Variants in PXK observed in about 807,000 individuals in gnomAD.
The protein encoded by PXK is PX domain-containing protein kinase-like protein.
A neutral mutation model predicts 84.7 loss-of-function variants in PXK; 35 were observed. That is an observed-to-expected ratio of 0.41 (90% confidence interval 0.32 to 0.55). The LOEUF (loss-of-function observed/expected upper bound fraction) is 0.55, where lower values mean the gene tolerates loss of function less well. Ranked by LOEUF, PXK falls within the 20% of genes least tolerant of loss-of-function variation. PXK has a pLI of 0.21. For synonymous variants in PXK, 253 were observed against 260.8 expected (o/e 0.97, Z 0.29); for missense variants, 634 against 699.7 (o/e 0.91, Z 1.06).
chr3:58,370,695 G>C lies in PXK; in HGVS notation c.201+1217G>C, dbSNP rs576047966. ...TCAGAAGGCCACGTTTTGTTGGTCA[G>C]ACTTCAGAAAATAAGCATTTGGGCC... On this transcript the variant is annotated intron_variant, in intron 3 of 17. Transcript: ENST00000356151. This position sits in a 1 kb window ranked among gnomAD's most constrained non-coding sequence, Gnocchi z 4.2. 1.0e-3 allele frequency among the ~76,000 whole-genome samples: 157 copies of C among 152,206 alleles called. No individual in the cohort carries two copies. The highest frequency in any genetic ancestry group is 3.4e-3 in the African/African-American group (141 of 41,548).
At chr3:58,343,941 C>A (rs2097776174) in intron 1 of PXK, among the ~76,000 whole-genome samples, 1 of 152,178 alleles carries the variant, frequency 6.6e-6, no homozygotes, top group Non-Finnish European at 1.5e-5. Flanking sequence ...GTATATCTGC[C>A]TCAAAGGTAC....
intron 1 of PXK, among the ~76,000 whole-genome samples, chr3:58,335,516 G>C (rs1399888096): frequency 6.6e-6 from 1 of 151,840 alleles, no homozygotes; most frequent in East Asian, 1.9e-4. Context: ...TGTTAAGAGG[G>C]GTATGTAGAA....
intron 3 of PXK, among the ~76,000 whole-genome samples, chr3:58,376,769 A>T (rs2108657401): frequency 1.3e-5 from 2 of 152,018 alleles, no homozygotes; most frequent in African/African-American, 4.8e-5. Context: ...CCTCCTGAGG[A>T]GCTGAAATTA....
chr3:58,391,315 T>A (rs970402098), intron 6 of PXK, 95 bp downstream of exon 6: 75 of 1,086,304 alleles, frequency 6.9e-5, no homozygotes, highest in South Asian at 3.0e-4. Context: ...TACTGTGCTC[T>A]TAAGTGATGA....
At chr3:58,339,959 C>T (rs1280428370) in intron 1 of PXK, among the ~76,000 whole-genome samples, 6 of 151,640 alleles carry the variant, frequency 4.0e-5, no homozygotes, top group East Asian at 3.9e-4. Flanking sequence ...GGATTACAGG[C>T]GACTGCCACC....
intron 1 of PXK, among the ~76,000 whole-genome samples, chr3:58,342,191 C>A (rs1305655247): frequency 6.6e-6 from 1 of 152,110 alleles, no homozygotes; most frequent in African/African-American, 2.4e-5. Flanking sequence ...AGCACAAGTT[C>A]TTTAGCTCTT....
rs563250578 is a variant in PXK, at chr3:58,341,527, A to G, written c.102+8437A>G. Among the ~76,000 whole-genome samples the G allele has an allele frequency of 2.0e-5, 3 of 152,090 alleles. No individual in the cohort carries two copies. The South Asian group carries it at 6.2e-4, about 32-fold the overall frequency. On this transcript the variant is annotated intron_variant, in intron 1 of 17. Transcript: ENST00000356151. ...CAGTGAGCCAAGATCATGCCACTGC[A>G]CTGCATCCTGGATGACAGAGTGAGA...
At chr3:58,336,344 G>T (rs1461103766) in intron 1 of PXK, among the ~76,000 whole-genome samples, 18 of 152,104 alleles carry the variant, frequency 1.2e-4, no homozygotes. Flanking sequence ...ATTTGGATGA[G>T]CAACTGGCAG....
intron 1 of PXK, among the ~76,000 whole-genome samples, chr3:58,359,141 A>T: frequency 6.6e-6 from 1 of 152,156 alleles, no homozygotes; most frequent in Non-Finnish European, 1.5e-5. Context: ...ACTCAAAGCT[A>T]TGTAGTTTAT....
intron 3 of PXK, among the ~76,000 whole-genome samples, chr3:58,375,180 A>T (rs1435796819): frequency 6.6e-6 from 1 of 152,232 alleles, no homozygotes; most frequent in South Asian, 2.1e-4. Flanking sequence ...TTTGAATCCA[A>T]TGATGTCAGA....
chr3:58,422,187 T>A (rs2061991826), intron 17 of PXK: 1 of 985,210 alleles, frequency 1.0e-6, no homozygotes, highest in Non-Finnish European at 1.2e-6. Context: ...CCAAAAACAA[T>A]CAATGGGGCA....
At position 58,391,203 on chromosome 3, in the gene PXK, C is replaced by T. The variant is rs773891264; in HGVS notation, c.523C>T (p.Arg175Trp). ...LMKIKNQPKE[R>W]LVLSWADLGP... ...GAAGATTAAAAATCAGCCAAAGGAACGGCTAGTGTTAAGCTGGGTAAGCTA... is the reference window on the plus strand; with the variant it reads ...GAAGATTAAAAATCAGCCAAAGGAATGGCTAGTGTTAAGCTGGGTAAGCTA... The change falls in exon 6 of 18, where the codon CGG becomes TGG. Residue 175 changes from arginine (R) to tryptophan (W), a missense_variant. Around this residue, in one of 3 missense-constraint regions of PXK, gnomAD observed 353 missense variants for 385.2 expected, o/e 0.92. Coordinates refer to ENST00000356151, the MANE Select transcript of PXK (RefSeq NM_017771.5). 27 of 1,613,372 alleles carry T rather than the reference C, an allele frequency of 1.7e-5. No homozygotes were observed. The highest frequency in any genetic ancestry group is 3.3e-5 in the Admixed American group (2 of 59,994).
chr3:58,412,544 AC>A lies in PXK; in HGVS notation c.1466-355del, dbSNP rs2060357412. Among the ~76,000 whole-genome samples the A allele has an allele frequency of 1.3e-5, 2 of 152,104 alleles. No homozygotes were observed. The highest frequency in any genetic ancestry group is 4.1e-4 in the South Asian group (2 of 4,826). ...TGCTCTGCACCTCTCTGTCTGCTGTACCACTTGTGGCTTCTGTCATTTGTCA... is the reference window on the plus strand; with the variant it reads ...TGCTCTGCACCTCTCTGTCTGCTGTACACTTGTGGCTTCTGTCATTTGTCA... On this transcript the variant is annotated intron_variant, in intron 16 of 17. Coordinates refer to ENST00000356151, the MANE Select transcript of PXK (RefSeq NM_017771.5). The surrounding 1 kb of genome is among the most constrained non-coding windows in gnomAD (Gnocchi z 6.2).
At chr3:58,355,926 A>G (rs938592272) in intron 1 of PXK, among the ~76,000 whole-genome samples, 1 of 152,208 alleles carries the variant, frequency 6.6e-6, no homozygotes, top group African/African-American at 2.4e-5. Context: ...GTTCCCAGCC[A>G]GCTGCATCCT....
chr3:58,422,516 C>G, intron 17 of PXK: 3 of 985,364 alleles, frequency 3.0e-6, no homozygotes, highest in Non-Finnish European at 3.6e-6. Flanking sequence ...TTGACACCAC[C>G]TACATTTTCA....
intron 3 of PXK, among the ~76,000 whole-genome samples, chr3:58,372,948 A>T (rs2098397841): frequency 6.6e-6 from 1 of 152,180 alleles, no homozygotes; most frequent in South Asian, 2.1e-4. Flanking sequence ...ACAGCATACA[A>T]CGAAGGGAAA....
In PXK at chr3:58,416,621, T is replaced by A. The variant is rs1235741134; in HGVS notation, c.1528+3658T>A. 6.6e-6 allele frequency among the ~76,000 whole-genome samples: 1 copy of A among 152,018 alleles called. No homozygotes were observed. The highest frequency in any genetic ancestry group is 6.5e-5 in the Admixed American group (1 of 15,270). On this transcript the variant is annotated intron_variant, in intron 17 of 17. Coordinates refer to ENST00000356151, the MANE Select transcript of PXK (RefSeq NM_017771.5). This position sits in a 1 kb window ranked among gnomAD's most constrained non-coding sequence, Gnocchi z 4.8. ...GCAGGAGGACTCTGAGCCTAGGGATTACACCATTTTTGTTTTTGAGACAGA... is the reference window on the plus strand; with the variant it reads ...GCAGGAGGACTCTGAGCCTAGGGATAACACCATTTTTGTTTTTGAGACAGA...
At chr3:58,336,038 C>CATATATATATATATATATATAT (rs1168755178) in intron 1 of PXK, among the ~76,000 whole-genome samples, 6 of 43,154 alleles carry the variant, frequency 1.4e-4, no homozygotes, top group Non-Finnish European at 1.7e-4. Context: ...CCTTGGGAAA[C>CATATATATATATATATATATAT]ATATATATAT....
chr3:58,365,919 TG>T lies in PXK; in HGVS notation c.150del (p.Trp50CysfsTer22), dbSNP rs1354393568. 6.4e-7 allele frequency: 1 copy of T among 1,567,374 alleles called. No individual in the cohort carries two copies. The highest frequency in any genetic ancestry group is 8.6e-7 in the Non-Finnish European group (1 of 1,160,064). ...VQRGISVENS[W>X]QIVRRYSDFD... The stretch of plus-strand genomic sequence containing the variant: ...AAGAGGAATTTCTGTGGAAAACAGC[TG>T]GCAGGTAAGCATCTTTTTTTTTTTT... On this transcript the variant is annotated frameshift_variant, in exon 2 of 18. Coordinates refer to ENST00000356151, the MANE Select transcript of PXK (RefSeq NM_017771.5). LOFTEE classifies it high-confidence loss of function.
Sources: gnomAD v4.1 joint callset for allele counts (sites outside exome capture counted in the v4.1 genomes callset) on GRCh38, gnomAD v4.1.1 for gene constraint, gnomAD v4.1.1 regional missense constraint, Gnocchi (gnomAD v3.1) non-coding constraint, MANE v1.5 for transcripts, NCBI Gene and HGNC (gene_info 2026-07-23, HGNC 2026-07-21) for gene names.